KCNMA1: variants seen among roughly 807,000 people sequenced by gnomAD.
KCNMA1 encodes Calcium-activated potassium channel subunit alpha-1.
A neutral mutation model predicts 140.0 loss-of-function variants in KCNMA1; 29 were observed. The ratio of observed to expected loss-of-function variants is 0.21; its 90% CI spans 0.15 to 0.28. The LOEUF (loss-of-function observed/expected upper bound fraction) is 0.28, where lower values mean the gene tolerates loss of function less well. KCNMA1 is among the 10% of genes least tolerant of loss of function. The pLI is 1.00. For missense variants in KCNMA1, 880 were observed against 1,602.2 expected, an observed-to-expected ratio of 0.55 and a Z score of 7.70; for synonymous variants, 612 against 611.9, an observed-to-expected ratio of 1.00 and a Z score of 0.00.
intron 20 of KCNMA1, among the ~76,000 whole-genome samples, chr10:76,963,195 C>T (rs572187672): frequency 6.6e-6 from 1 of 152,246 alleles, no homozygotes; most frequent in East Asian, 1.9e-4. Flanking sequence ...GAGATGGGCC[C>T]CCATCACTTC....
At chr10:77,204,060 C>T (rs1319150151) in intron 3 of KCNMA1, among the ~76,000 whole-genome samples, 2 of 149,630 alleles carry the variant, frequency 1.3e-5, no homozygotes, top group Non-Finnish European at 3.0e-5. Context: ...CACATCACTG[C>T]ATTCCAGCCT....
At chr10:76,950,391 A>G (rs577681664) in intron 21 of KCNMA1, among the ~76,000 whole-genome samples, 39 of 152,312 alleles carry the variant, frequency 2.6e-4, no homozygotes, top group African/African-American at 9.1e-4. Flanking sequence ...ACCTCTATCT[A>G]CAAAGGAGAC....
chr10:77,420,344 G>A (rs1361419027), intron 1 of KCNMA1, among the ~76,000 whole-genome samples: 1 of 152,240 alleles, frequency 6.6e-6, no homozygotes, highest in Admixed American at 6.5e-5. Flanking sequence ...TTGTGCTCAT[G>A]TTGGATTAAT....
chr10:77,217,395 A>T, intron 3 of KCNMA1: 1 of 390,996 alleles, frequency 2.6e-6, no homozygotes, highest in Non-Finnish European at 5.4e-6. Context: ...GATGCCCATC[A>T]ATCCCATCAT....
At chr10:77,432,071 C>A (rs1041234309) in intron 1 of KCNMA1, among the ~76,000 whole-genome samples, 1 of 152,136 alleles carries the variant, frequency 6.6e-6, no homozygotes, top group Non-Finnish European at 1.5e-5. Flanking sequence ...TACAGCAAGC[C>A]TCTCACACCT....
At chr10:77,028,117 T>G (rs764156131) in intron 15 of KCNMA1, among the ~76,000 whole-genome samples, 4 of 152,134 alleles carry the variant, frequency 2.6e-5, no homozygotes, top group Non-Finnish European at 4.4e-5. Flanking sequence ...AAGTGCAAAT[T>G]GCACTCAGGT....
intron 5 of KCNMA1, among the ~76,000 whole-genome samples, chr10:77,125,226 T>G (rs941413566): frequency 6.6e-6 from 1 of 152,212 alleles, no homozygotes. Flanking sequence ...TTGTGTTCTC[T>G]GCTCAGAAGC....
In KCNMA1 at chr10:77,634,212, T is replaced by G. The variant is rs1487794099; in HGVS notation, c.378+3053A>C. The stretch of plus-strand genomic sequence containing the variant: ...CTTCACAACGTCACACCCAAGTGAA[T>G]AGAGAGCTCTGATGAAATCCCACAA... On this transcript the variant is annotated intron_variant, in intron 1 of 27. Coordinates refer to ENST00000286628, the MANE Select transcript of KCNMA1 (RefSeq NM_001161352.2). 3 of 985,290 alleles carry G rather than the reference T, an allele frequency of 3.0e-6. No homozygotes were observed. The South Asian group carries it at 1.4e-4, about 46-fold the overall frequency. 61.0% of individuals were successfully genotyped at this position (985,290 alleles called of 1,614,324 possible). A position where few individuals can be genotyped will look rare whatever the true frequency, so the allele number is the denominator to read the frequency against.
chr10:76,933,931 C>CTTTT (rs1391681140), intron 23 of KCNMA1, among the ~76,000 whole-genome samples: 3 of 152,004 alleles, frequency 2.0e-5, no homozygotes, highest in African/African-American at 7.2e-5. Flanking sequence ...TGCAGTGCCA[C>CTTTT]TTTTTCTTTC....
intron 2 of KCNMA1, among the ~76,000 whole-genome samples, chr10:77,324,971 C>CTCTCTCTCTCTCTGTGTGTGTGTGTG: frequency 1.1e-5 from 1 of 90,448 alleles, no homozygotes; most frequent in African/African-American, 4.6e-5. Flanking sequence ...CTCTCTCTCT[C>CTCTCTCTCTCTCTGTGTGTGTGTGTG]TGTGTGTGTG....
intron 12 of KCNMA1, among the ~76,000 whole-genome samples, chr10:77,081,602 C>T (rs756957511): frequency 6.6e-6 from 1 of 152,146 alleles, no homozygotes; most frequent in Non-Finnish European, 1.5e-5. Flanking sequence ...AAAGCTGCAA[C>T]GTACGAATTT....
At chr10:77,347,546 G>C (rs530825517) in intron 2 of KCNMA1, among the ~76,000 whole-genome samples, 1 of 152,320 alleles carries the variant, frequency 6.6e-6, no homozygotes, top group South Asian at 2.1e-4. Context: ...CTTGCAGCCA[G>C]AGGCCAGGGT....
At chr10:77,513,744 G>C (rs2049265010) in intron 1 of KCNMA1, among the ~76,000 whole-genome samples, 1 of 152,218 alleles carries the variant, frequency 6.6e-6, no homozygotes, top group Non-Finnish European at 1.5e-5. Context: ...CCACTCCAAT[G>C]ATCCATTCAG....
chr10:77,354,727 TACTA>T (rs1338739240), intron 2 of KCNMA1: 4 of 152,064 alleles, frequency 2.6e-5, no homozygotes, highest in East Asian at 3.9e-4. Flanking sequence ...TTGTCCAGAG[TACTA>T]ACTAAGAAGA....
At position 77,576,331 on chromosome 10, in the gene KCNMA1, C is replaced by T. The variant is rs535739762; in HGVS notation, c.378+60934G>A. Among the ~76,000 whole-genome samples, 7 of 152,338 alleles carry T rather than the reference C, an allele frequency of 4.6e-5. No individual in the cohort carries two copies. In the East Asian group the frequency reaches 1.3e-3, roughly 29 times the overall value. On this transcript the variant is annotated intron_variant, in intron 1 of 27. Coordinates refer to ENST00000286628, the MANE Select transcript of KCNMA1 (RefSeq NM_001161352.2). ...CTGAGCCACAGGACAAAGAAAAAGA[C>T]TTCCTCTCCCAGAAAGGCACCCAGG... is the stretch of plus-strand genomic sequence containing the variant.
chr10:76,869,836 G>T (rs2030864131), exon 28 of KCNMA1: 1 of 152,582 alleles, frequency 6.6e-6, no homozygotes, highest in Non-Finnish European at 1.5e-5. Flanking sequence ...AAGATTGAAA[G>T]ATGAATAAGC....
intron 5 of KCNMA1, among the ~76,000 whole-genome samples, chr10:77,126,335 T>G (rs2097732391): frequency 6.6e-6 from 1 of 152,190 alleles, no homozygotes; most frequent in African/African-American, 2.4e-5. Flanking sequence ...TATTCTCTAT[T>G]ATATGATCAA....
At chr10:77,579,486 A>C (rs968626026) in intron 1 of KCNMA1, among the ~76,000 whole-genome samples, 1 of 152,238 alleles carries the variant, frequency 6.6e-6, no homozygotes, top group Non-Finnish European at 1.5e-5. Flanking sequence ...TTATTTATAG[A>C]TATTTGAATC....
intron 3 of KCNMA1, among the ~76,000 whole-genome samples, chr10:77,204,259 T>C (rs1054312933): frequency 2.0e-5 from 3 of 152,100 alleles, no homozygotes; most frequent in Admixed American, 6.5e-5. Flanking sequence ...TCACCTCATG[T>C]GTGCAAGAAG....
Sources: allele counts gnomAD v4.1 joint callset (sites outside exome capture counted in the v4.1 genomes callset), GRCh38; gene constraint gnomAD v4.1.1; transcripts MANE v1.5; gene names NCBI Gene and HGNC (gene_info 2026-07-23, HGNC 2026-07-21).